The following UBXN7 variants were observed in gnomAD, a reference collection of about 807,000 sequenced individuals.
UBXN7 encodes UBX domain protein 7, also known as UBX domain-containing protein 7.
UBXN7 carries 9 observed loss-of-function variants against 58.0 expected under a neutral mutation model. The ratio of observed to expected loss-of-function variants is 0.16; its 90% confidence interval spans 0.09 to 0.27. UBXN7 has a LOEUF of 0.27. UBXN7 is among the 10% of genes least tolerant of loss of function. UBXN7 has a pLI of 1.00. For synonymous variants in UBXN7, 208 were observed against 205.0 expected (o/e 1.01, Z -0.12); for missense variants, 328 against 599.6 (o/e 0.55, Z 4.73).
At chr3:196,361,949 A>G (rs753017615) in intron 9 of UBXN7, 26 bp from the exon 10 acceptor site, 1 of 1,597,022 alleles carries the variant, frequency 6.3e-7, no homozygotes. Flanking sequence ...AAAAAAAAAA[A>G]AAAAACGGGA....
In UBXN7 at chr3:196,354,983, T is replaced by A. The variant is rs904989602; in HGVS notation, c.*1702A>T. The A allele has an allele frequency of 6.6e-6, 1 of 152,126 alleles. No homozygotes were observed. Among genetic ancestry groups the A allele is most frequent in the Non-Finnish European group, 1.5e-5 (1 of 68,008 alleles). 9.4% of individuals were successfully genotyped at this position (152,126 alleles called of 1,614,324 possible). The stretch of plus-strand genomic sequence containing the variant: ...TTTTTCCATGATTTCCTTGAGGAGA[T>A]ATAAAACTCATTCTTTAGGGAGAGT... On this transcript the variant is annotated 3_prime_UTR_variant, in exon 11 of 11. Coordinates refer to ENST00000296328, the MANE Select transcript of UBXN7 (RefSeq NM_015562.2).
intron 1 of UBXN7, among the ~76,000 whole-genome samples, chr3:196,420,269 A>G (rs888477849): frequency 2.0e-5 from 3 of 152,090 alleles, no homozygotes; most frequent in African/African-American, 7.2e-5. Flanking sequence ...GCAGTGTCTC[A>G]TATCTGTAAT....
rs191995487 is a variant in UBXN7, at chr3:196,401,485, A to T, written c.289+1467T>A. On this transcript the variant is annotated intron_variant, in intron 3 of 10. Transcript: ENST00000296328. ...ATTTCCTCCTCTTAGTTTACCGATG[A>T]AGGCTATGTATGTATTATCCTAAGT... Among the ~76,000 whole-genome samples the T allele has an allele frequency of 2.1e-3, 320 of 151,234 alleles. 1 individual carries two copies. Among genetic ancestry groups the T allele is most frequent in the African/African-American group, 7.6e-3 (313 of 41,332 alleles).
Position 196,371,941 on chromosome 3 carries a change from G to T in UBXN7, c.570C>A (p.Asn190Lys). 1 of 1,613,524 alleles carries T rather than the reference G, an allele frequency of 6.2e-7. No individual in the cohort carries two copies. The stretch of plus-strand genomic sequence containing the variant: ...CCCGGATAATATTCTTCACAGCTTC[G>T]TTGCTCCACACATCGCGGTTGAGGC... ...CQCLNRDVWS[N>K]EAVKNIIREH... The change falls in exon 6 of 11, where the codon AAC becomes AAA. Residue 190 changes from asparagine to lysine, a missense_variant. Physicochemically the swap from Asn to Lys is moderately conservative, Grantham distance 94. This residue lies in a region of UBXN7 where 126 missense variants were observed against 302.6 expected (regional missense o/e 0.42). Coordinates refer to ENST00000296328, the MANE Select transcript of UBXN7 (RefSeq NM_015562.2).
At position 196,403,008 on chromosome 3, in the gene UBXN7, C is replaced by T; in HGVS notation, c.233G>A (p.Arg78His). ...TVRPHTEEEVRAPIPQKQEIL... is the reference protein window; with the variant it reads ...TVRPHTEEEVHAPIPQKQEIL... ...TTCCTGCTTTTGAGGAATTGGGGCACGAACTTCTTCTCTATTAAAAAAAAA... is the reference window on the plus strand; with the variant it reads ...TTCCTGCTTTTGAGGAATTGGGGCATGAACTTCTTCTCTATTAAAAAAAAA... Residue 78 changes from arginine to histidine, a missense_variant, in exon 3 of 11, where the codon CGT becomes CAT. Physicochemically the swap from Arg to His is conservative, Grantham distance 29. Coordinates refer to ENST00000296328, the MANE Select transcript of UBXN7 (RefSeq NM_015562.2). 1.3e-6 allele frequency: 2 copies of T among 1,590,114 alleles called. No homozygotes were observed. The highest frequency in any genetic ancestry group is 1.7e-6 in the Non-Finnish European group (2 of 1,174,658).
At chr3:196,397,075 G>A (rs1031724505) in intron 3 of UBXN7, among the ~76,000 whole-genome samples, 11 of 152,046 alleles carry the variant, frequency 7.2e-5, no homozygotes, top group African/African-American at 2.7e-4. Context: ...CCTCTCCTCA[G>A]ACCACACCAC....
intron 5 of UBXN7, among the ~76,000 whole-genome samples, chr3:196,386,261 C>T (rs1249516051): frequency 4.6e-5 from 7 of 151,620 alleles, no homozygotes; most frequent in Non-Finnish European, 7.4e-5. Context: ...GGGCCCTCTG[C>T]GTAGGAAAAC....
chr3:196,406,726 G>A (rs866003943), intron 2 of UBXN7, among the ~76,000 whole-genome samples: 1 of 152,162 alleles, frequency 6.6e-6, no homozygotes, highest in African/African-American at 2.4e-5. Context: ...TTACAGGCAT[G>A]AGCCACCGCG....
chr3:196,418,585 G>A (rs970876557), intron 1 of UBXN7, among the ~76,000 whole-genome samples: 3 of 152,270 alleles, frequency 2.0e-5, no homozygotes, highest in African/African-American at 7.2e-5. Context: ...CATGATACAC[G>A]AAAGGGATCT....
intron 1 of UBXN7, among the ~76,000 whole-genome samples, chr3:196,413,707 T>C (rs1730399485): frequency 6.6e-6 from 1 of 152,202 alleles, no homozygotes. Flanking sequence ...CATGAATTAC[T>C]GTATCTCACA....
chr3:196,377,161 C>T (rs1729054550), intron 5 of UBXN7, among the ~76,000 whole-genome samples: 1 of 152,142 alleles, frequency 6.6e-6, no homozygotes, highest in Admixed American at 6.5e-5. Context: ...CTTTAGACCC[C>T]GTGGACACAC....
chr3:196,365,602 C>G (rs1728642134), intron 8 of UBXN7, among the ~76,000 whole-genome samples: 1 of 152,012 alleles, frequency 6.6e-6, no homozygotes, highest in Non-Finnish European at 1.5e-5. Flanking sequence ...AAGCCTCTGG[C>G]CAGACAGTCG....
chr3:196,416,942 C>T (rs911409570), intron 1 of UBXN7, among the ~76,000 whole-genome samples: 22 of 152,116 alleles, frequency 1.4e-4, no homozygotes, highest in African/African-American at 5.1e-4. Flanking sequence ...GTAAGAAAGG[C>T]CTGCAGTACC....
intron 1 of UBXN7, among the ~76,000 whole-genome samples, chr3:196,417,162 A>T (rs950854518): frequency 2.6e-5 from 4 of 152,072 alleles, no homozygotes; most frequent in Admixed American, 2.0e-4. Context: ...AAATACAAAA[A>T]ATTAGCCGGG....
At chr3:196,428,781 C>G (rs975969590) in intron 1 of UBXN7, among the ~76,000 whole-genome samples, 2 of 149,812 alleles carry the variant, frequency 1.3e-5, no homozygotes, top group South Asian at 4.2e-4. Context: ...GATCACACCA[C>G]TGCACTCTAG....
chr3:196,399,792 C>T (rs2108850352), intron 3 of UBXN7: 1 of 152,232 alleles, frequency 6.6e-6, no homozygotes, highest in East Asian at 1.9e-4. Context: ...GTGAAGAATT[C>T]ACTATCTAGT....
Position 196,355,751 on chromosome 3 carries a change from A to G in UBXN7, c.*934T>C, listed in dbSNP as rs1490876347. 6.6e-6 allele frequency: 1 copy of G among 152,244 alleles called. No individual in the cohort carries two copies. The highest frequency in any genetic ancestry group is 1.5e-5 in the Non-Finnish European group (1 of 68,052). 9.4% of individuals were successfully genotyped at this position (152,244 alleles called of 1,614,324 possible). On this transcript the variant is annotated 3_prime_UTR_variant, in exon 11 of 11. Coordinates refer to ENST00000296328, the MANE Select transcript of UBXN7 (RefSeq NM_015562.2). ...AAACAACACAGGACAATCAATAACC[A>G]TAGTGGTTACAATTCCAAGCCATTG...
At chr3:196,424,682 C>T (rs1466186369) in intron 1 of UBXN7, among the ~76,000 whole-genome samples, 4 of 148,218 alleles carry the variant, frequency 2.7e-5, no homozygotes, top group Admixed American at 1.4e-4. Context: ...CACTAGGCCT[C>T]GCCTCATCCA....
At chr3:196,427,123 G>T (rs904158301) in intron 1 of UBXN7, among the ~76,000 whole-genome samples, 3 of 152,004 alleles carry the variant, frequency 2.0e-5, no homozygotes, top group African/African-American at 4.8e-5. Flanking sequence ...TTTTTCACCT[G>T]TTCTATAGTG....
Sources: gnomAD v4.1 joint callset for allele counts (sites outside exome capture counted in the v4.1 genomes callset) on GRCh38, gnomAD v4.1.1 for gene constraint, gnomAD v4.1.1 regional missense constraint, MANE v1.5 for transcripts, NCBI Gene and HGNC (gene_info 2026-07-23, HGNC 2026-07-21) for gene names.